Variants in NDUFC2 observed in about 807,000 individuals in gnomAD.
NDUFC2 encodes the protein NADH:ubiquinone oxidoreductase subunit C2.
Under a neutral mutation model 10.1 loss-of-function variants are expected in NDUFC2, and 2 were observed. The ratio of observed to expected loss-of-function variants is 0.20; its 90% confidence interval spans 0.08 to 0.62. The LOEUF (loss-of-function observed/expected upper bound fraction) is 0.62. Among genes scored for constraint, NDUFC2 ranks in the 20% least tolerant of loss-of-function variants. The pLI is 0.87. For missense variants in NDUFC2, 156 were observed against 159.6 expected (o/e 0.98, Z 0.12); for synonymous variants, 61 against 63.6 (o/e 0.96, Z 0.20).
At chr11:78,072,875 A>G (rs1245692803) in intron 2 of NDUFC2, 123 bp downstream of exon 2, 6 of 1,361,940 alleles carry the variant, frequency 4.4e-6, no homozygotes, top group South Asian at 3.0e-5. Flanking sequence ...ATTTTGGTCT[A>G]TAGACTAAGA....
At chr11:78,076,390 C>T (rs1859252607) in intron 1 of NDUFC2, among the ~76,000 whole-genome samples, 1 of 152,242 alleles carries the variant, frequency 6.6e-6, no homozygotes, top group Admixed American at 6.5e-5. Context: ...GATCCACCCG[C>T]CTCAGCCTCC....
intron 2 of NDUFC2, among the ~76,000 whole-genome samples, chr11:78,070,694 A>G (rs1200271435): frequency 6.6e-6 from 1 of 152,228 alleles, no homozygotes; most frequent in African/African-American, 2.4e-5. Context: ...TGCTGCCAGG[A>G]GTATCCTGAC....
intron 1 of NDUFC2, among the ~76,000 whole-genome samples, chr11:78,076,103 A>G (rs2136837783): frequency 6.6e-6 from 1 of 151,222 alleles, no homozygotes; most frequent in South Asian, 2.1e-4. Flanking sequence ...ACCATGTTTT[A>G]TATTCCTTGT....
intron 1 of NDUFC2, among the ~76,000 whole-genome samples, chr11:78,075,677 C>T (rs1859218031): frequency 6.6e-6 from 1 of 152,154 alleles, no homozygotes; most frequent in Admixed American, 6.6e-5. Flanking sequence ...CTCAACCACC[C>T]AGGCTCAAGT....
chr11:78,076,768 C>T lies in NDUFC2; in HGVS notation c.166+2811G>A, dbSNP rs569043309. On this transcript the variant is annotated intron_variant, in intron 1 of 2. Transcript: ENST00000281031. Reference sequence around the variant, plus strand: ...CTTCTGTCTCCCAGAAAGGCACAAACGGCTAAACTAACAACGAGATTAAGT... The same window carrying T: ...CTTCTGTCTCCCAGAAAGGCACAAATGGCTAAACTAACAACGAGATTAAGT... Among the ~76,000 whole-genome samples the T allele has an allele frequency of 3.9e-5, 6 of 152,320 alleles. No homozygotes were observed. In the South Asian group the frequency reaches 1.0e-3, roughly 26 times the overall value.
intron 2 of NDUFC2, among the ~76,000 whole-genome samples, chr11:78,071,990 C>T (rs548862209): frequency 1.3e-5 from 2 of 152,156 alleles, no homozygotes; most frequent in African/African-American, 4.8e-5. Context: ...ATACAAGAGG[C>T]TGGGGAAACA....
intron 1 of NDUFC2, among the ~76,000 whole-genome samples, chr11:78,073,801 C>CAT (rs1491146789): frequency 1.4e-4 from 9 of 62,086 alleles, no homozygotes; most frequent in African/African-American, 5.6e-4. Flanking sequence ...GGCTCTGTCT[C>CAT]AAAAAAAAAA....
At chr11:78,071,672 T>A (rs1859014097) in intron 2 of NDUFC2, among the ~76,000 whole-genome samples, 1 of 152,170 alleles carries the variant, frequency 6.6e-6, no homozygotes, top group Non-Finnish European at 1.5e-5. Flanking sequence ...AAAAGTTATA[T>A]TACAACTATT....
chr11:78,071,006 T>G (rs375632787), intron 2 of NDUFC2, among the ~76,000 whole-genome samples: 134 of 152,336 alleles, frequency 8.8e-4, no homozygotes, highest in African/African-American at 3.1e-3. Context: ...AGCTCTAACA[T>G]TTAACGGTTC....
intron 1 of NDUFC2, among the ~76,000 whole-genome samples, chr11:78,075,846 C>T (rs1859226270): frequency 6.6e-6 from 1 of 152,186 alleles, no homozygotes; most frequent in Non-Finnish European, 1.5e-5. Flanking sequence ...CCTCAGCCTT[C>T]CAAAGTGTTG....
rs756288046 is a variant in NDUFC2, at chr11:78,069,967, G to C, written c.*20C>G. 1.2e-6 allele frequency: 2 copies of C among 1,612,674 alleles called. No homozygotes were observed. The highest frequency in any genetic ancestry group is 2.2e-5 in the East Asian group (1 of 44,866). On this transcript the variant is annotated 3_prime_UTR_variant, in exon 3 of 3. Coordinates refer to ENST00000281031, the MANE Select transcript of NDUFC2 (RefSeq NM_004549.6). ...GAAACAGCAGGTATCAGTGAAACTG[G>C]AGCAAGCATTTTGAAGACTTCAACG...
chr11:78,072,988 C>T lies in NDUFC2; in HGVS notation c.310+10G>A, dbSNP rs192918394. ...GTAAACACAGATTATCTAAAATTAA[C>T]TTGAAATACCTTCTTCAGGAAAATC... On this transcript the variant is annotated intron_variant, in intron 2 of 2. Coordinates refer to ENST00000281031, the MANE Select transcript of NDUFC2 (RefSeq NM_004549.6). 8,186 of 1,607,034 alleles carry T rather than the reference C, an allele frequency of 5.1e-3. 26 individuals are homozygous for T. Among genetic ancestry groups the T allele is most frequent in the Non-Finnish European group, 6.3e-3 (7,466 of 1,178,634 alleles).
rs1354628272 is a variant in NDUFC2, at chr11:78,079,687, G to A, written c.58C>T (p.Leu20=). ...LRFLPDEARS[L]PPPKLTDPRL... ...GGGTCGGTCAGCTTGGGCGGGGGCA[G>A]GCTCCGGGCCTCATCCGGCAGAAAC... is the stretch of plus-strand genomic sequence containing the variant. Residue 20 remains leucine, a synonymous_variant, in exon 1 of 3, where the codon CTG becomes TTG. Coordinates refer to ENST00000281031, the MANE Select transcript of NDUFC2 (RefSeq NM_004549.6). 3 of 1,610,270 alleles carry A rather than the reference G, an allele frequency of 1.9e-6. No homozygotes were observed. The highest frequency in any genetic ancestry group is 3.4e-5 in the Admixed American group (2 of 59,470).
chr11:78,077,623 G>A (rs1399348870), intron 1 of NDUFC2, among the ~76,000 whole-genome samples: 1 of 151,858 alleles, frequency 6.6e-6, no homozygotes, highest in Non-Finnish European at 1.5e-5. Context: ...TGGTGCAATC[G>A]TGGCTCGCTG....
chr11:78,079,821 C>A lies in NDUFC2; in HGVS notation c.-77G>T. 2.0e-6 allele frequency: 3 copies of A among 1,496,556 alleles called. No individual in the cohort carries two copies. Among genetic ancestry groups the A allele is most frequent in the South Asian group, 2.5e-5 (2 of 78,640 alleles). The allele number at this position is 1,496,556 out of a possible 1,614,324, so 92.7% of individuals were successfully genotyped here. On this transcript the variant is annotated 5_prime_UTR_variant, in exon 1 of 3. It adds an upstream start codon to the 5' untranslated region. Coordinates refer to ENST00000281031, the MANE Select transcript of NDUFC2 (RefSeq NM_004549.6). ...AAACCACGACGACCACTACCCCGGCCTAAGCGGTCAGCTTTCTCCTCCTCC... is the reference window on the plus strand; with the variant it reads ...AAACCACGACGACCACTACCCCGGCATAAGCGGTCAGCTTTCTCCTCCTCC...
intron 1 of NDUFC2, among the ~76,000 whole-genome samples, chr11:78,074,064 T>C (rs945202332): frequency 6.9e-6 from 1 of 144,846 alleles, no homozygotes; most frequent in African/African-American, 2.6e-5. Context: ...CTTTTTTTTT[T>C]AAGAGGGGTC....
In NDUFC2 at chr11:78,079,670, C is replaced by T. The variant is rs772739614; in HGVS notation, c.75G>A (p.Leu25=). The change falls in exon 1 of 3, where the codon CTG becomes CTA. Residue 25 remains leucine, a synonymous_variant. Transcript: ENST00000281031. ...CGATGTAGAGGAGCCGCGGGTCGGT[C>T]AGCTTGGGCGGGGGCAGGCTCCGGG... The part of the protein sequence containing the change: ...DEARSLPPPK[L]TDPRLLYIGF... 3.1e-6 allele frequency: 5 copies of T among 1,608,178 alleles called. No homozygotes were observed. The Admixed American group carries it at 5.1e-5, about 16-fold the overall frequency.
chr11:78,079,491 G>T, intron 1 of NDUFC2, 88 bp downstream of exon 1: 1 of 1,465,260 alleles, frequency 6.8e-7, no homozygotes. Flanking sequence ...CGGAAAAGCA[G>T]AGCACCTCAG....
rs966186895 is a variant in NDUFC2, at chr11:78,068,428, G to A, written c.*1559C>T. 3 of 152,156 alleles carry A rather than the reference G, an allele frequency of 2.0e-5. No individual in the cohort carries two copies. The highest frequency in any genetic ancestry group is 4.8e-5 in the African/African-American group (2 of 41,422). 9.4% of individuals were successfully genotyped at this position (152,156 alleles called of 1,614,324 possible). A position where few individuals can be genotyped will look rare whatever the true frequency, so the allele number is the denominator to read the frequency against. ...TTTACAATTGGTACTCAAGAAAATA[G>A]AGACAGAAATCATTTGATTTTGCCC... On this transcript the variant is annotated 3_prime_UTR_variant, in exon 3 of 3. Coordinates refer to ENST00000281031, the MANE Select transcript of NDUFC2 (RefSeq NM_004549.6).
Sources: allele counts gnomAD v4.1 joint callset (sites outside exome capture counted in the v4.1 genomes callset), GRCh38; gene constraint gnomAD v4.1.1; transcripts MANE v1.5; gene names NCBI Gene and HGNC (gene_info 2026-07-23, HGNC 2026-07-21).